SCN7A: variants seen among roughly 807,000 people sequenced by gnomAD.
SCN7A encodes the protein sodium voltage-gated channel alpha subunit 7.
A neutral mutation model predicts 155.2 loss-of-function variants in SCN7A; 138 were observed. That is an observed-to-expected ratio of 0.89 (90% CI 0.77 to 1.02). SCN7A has a LOEUF of 1.02. Ranked by LOEUF, SCN7A falls within the 50% of genes least tolerant of loss-of-function variation. SCN7A has a pLI of 0.00. For missense variants in SCN7A, 2,058 were observed against 1,986.6 expected, an observed-to-expected ratio of 1.04 and a Z score of -0.68; for synonymous variants, 693 against 649.0, an observed-to-expected ratio of 1.07 and a Z score of -1.03.
intron 23 of SCN7A, 48 bp from the exon 24 acceptor site, chr2:166,410,372 T>G: frequency 7.4e-7 from 1 of 1,345,526 alleles, no homozygotes; most frequent in Non-Finnish European, 1.0e-6. Context: ...TAATCCAAAT[T>G]TTCCCTTATG....
chr2:166,467,177 G>A (rs1170681638), intron 7 of SCN7A, among the ~76,000 whole-genome samples: 5 of 151,446 alleles, frequency 3.3e-5, no homozygotes, highest in Admixed American at 2.6e-4. Context: ...CATAGTTTTC[G>A]AGAGATGTTG....
intron 11 of SCN7A, among the ~76,000 whole-genome samples, chr2:166,449,112 G>C (rs899632104): frequency 5.3e-4 from 81 of 152,272 alleles, no homozygotes; most frequent in African/African-American, 1.9e-3. Context: ...CCCAGGCTTT[G>C]TTGTAGATAT....
chr2:166,425,920 T>C (rs771148591), intron 18 of SCN7A, among the ~76,000 whole-genome samples: 3 of 152,022 alleles, frequency 2.0e-5, no homozygotes, highest in Non-Finnish European at 4.4e-5. Flanking sequence ...GGGGATAGAA[T>C]GTGAAGCTGG....
intron 7 of SCN7A, among the ~76,000 whole-genome samples, chr2:166,467,011 C>T (rs1702548615): frequency 6.6e-6 from 1 of 151,794 alleles, no homozygotes; most frequent in African/African-American, 2.4e-5. Flanking sequence ...TTTAATTTGA[C>T]ATCATAATAA....
At chr2:166,461,816 G>A (rs1043513245) in intron 10 of SCN7A, 2 of 152,234 alleles carry the variant, frequency 1.3e-5, no homozygotes, top group South Asian at 2.1e-4. Context: ...ACAGCTGGGC[G>A]AGGTGGCTCA....
intron 15 of SCN7A, among the ~76,000 whole-genome samples, chr2:166,434,851 T>C (rs1701805168): frequency 6.6e-6 from 1 of 152,138 alleles, no homozygotes; most frequent in South Asian, 2.1e-4. Flanking sequence ...TTCTCTTAAT[T>C]AGACAACCAG....
At chr2:166,477,747 T>C in intron 2 of SCN7A, 37 bp from the exon 3 acceptor site, 1 of 1,299,880 alleles carries the variant, frequency 7.7e-7, no homozygotes, top group Non-Finnish European at 1.0e-6. Flanking sequence ...GGTATACTAA[T>C]AAAACATAAA....
intron 14 of SCN7A, among the ~76,000 whole-genome samples, chr2:166,443,248 AC>A (rs1190208458): frequency 6.6e-6 from 1 of 152,106 alleles, no homozygotes. Context: ...GTACTCAGTT[AC>A]CCTGACCCTG....
chr2:166,448,212 T>C (rs550360388), intron 11 of SCN7A, among the ~76,000 whole-genome samples: 143 of 152,302 alleles, frequency 9.4e-4, no homozygotes, highest in Non-Finnish European at 1.5e-3. Context: ...ACATGTGAAG[T>C]TGGTCTTTCT....
At chr2:166,413,927 T>G (rs1701256846) in intron 21 of SCN7A, among the ~76,000 whole-genome samples, 1 of 133,028 alleles carries the variant, frequency 7.5e-6, no homozygotes, top group African/African-American at 2.9e-5. Context: ...CTGTGATCAT[T>G]GATCATGTAA....
At chr2:166,488,200 T>TA (rs1195102455) in intron 1 of SCN7A, among the ~76,000 whole-genome samples, 1 of 152,204 alleles carries the variant, frequency 6.6e-6, no homozygotes, top group African/African-American at 2.4e-5. Flanking sequence ...ACTTAATAGA[T>TA]ATATCATGGC....
At chr2:166,475,080 G>GTATA (rs201255081) in intron 3 of SCN7A, among the ~76,000 whole-genome samples, 29 of 85,898 alleles carry the variant, frequency 3.4e-4, no homozygotes, top group African/African-American at 6.6e-4. Flanking sequence ...TTATATTTGT[G>GTATA]TATATATATA....
intron 25 of SCN7A, among the ~76,000 whole-genome samples, chr2:166,406,858 C>T (rs1701088050): frequency 6.6e-6 from 1 of 152,044 alleles, no homozygotes; most frequent in South Asian, 2.1e-4. Flanking sequence ...GGGTATCTAG[C>T]TAAATTTGGA....
chr2:166,459,157 A>G (rs1357010891), intron 10 of SCN7A, among the ~76,000 whole-genome samples: 1 of 152,114 alleles, frequency 6.6e-6, no homozygotes, highest in African/African-American at 2.4e-5. Flanking sequence ...ACAAATGAAA[A>G]TCAGATAGGA....
intron 23 of SCN7A, 103 bp from the exon 24 acceptor site, chr2:166,410,427 T>TAA: frequency 2.7e-6 from 2 of 744,352 alleles, no homozygotes; most frequent in East Asian, 2.8e-5. Context: ...TTTAATCTTC[T>TAA]AAAAAAAAGG....
intron 1 of SCN7A, among the ~76,000 whole-genome samples, chr2:166,489,041 C>A (rs1014396773): frequency 2.6e-5 from 4 of 152,098 alleles, no homozygotes; most frequent in Admixed American, 6.5e-5. Context: ...GGATGTTTAT[C>A]ATAACATAAT....
chr2:166,480,350 C>T (rs372108243), intron 2 of SCN7A, among the ~76,000 whole-genome samples: 2 of 151,390 alleles, frequency 1.3e-5, no homozygotes, highest in Non-Finnish European at 2.9e-5. Flanking sequence ...CCCAGCTACT[C>T]GAGAGGCTGA....
chr2:166,444,203 A>C (rs988780234), intron 13 of SCN7A, among the ~76,000 whole-genome samples: 1 of 152,230 alleles, frequency 6.6e-6, no homozygotes, highest in African/African-American at 2.4e-5. Context: ...TAAACAATAT[A>C]CATTTGCTTG....
chr2:166,422,912 A>C (rs768840582), intron 19 of SCN7A, among the ~76,000 whole-genome samples: 2 of 152,124 alleles, frequency 1.3e-5, no homozygotes, highest in African/African-American at 2.4e-5. Flanking sequence ...TGTGAACATC[A>C]TAAGTAGTCT....
Sources: allele counts gnomAD v4.1 joint callset (sites outside exome capture counted in the v4.1 genomes callset), GRCh38; gene constraint gnomAD v4.1.1; transcripts MANE v1.5; gene names NCBI Gene and HGNC (gene_info 2026-07-23, HGNC 2026-07-21).